DNAH5: variants seen among roughly 807,000 people sequenced by gnomAD.
The protein encoded by DNAH5 is axonemal beta dynein heavy chain 5.
DNAH5 carries 372 observed loss-of-function variants against 518.2 expected under a neutral mutation model. The observed-to-expected ratio is 0.72, with a 90% CI of 0.66 to 0.78. The LOEUF is 0.78. Ranked by LOEUF, DNAH5 falls within the 30% of genes least tolerant of loss-of-function variation. DNAH5 has a pLI of 0.00. For synonymous variants in DNAH5, 2,039 were observed against 2,025.9 expected (o/e 1.01, Z -0.17); for missense variants, 5,523 against 5,687.0 (o/e 0.97, Z 0.93).
intron 1 of DNAH5, among the ~76,000 whole-genome samples, chr5:13,970,256 T>C (rs1329253924): frequency 6.6e-6 from 1 of 152,228 alleles, no homozygotes; most frequent in Non-Finnish European, 1.5e-5. Context: ...TGCCTTGCTG[T>C]ATCTTTTAAG....
chr5:13,871,546 G>GAAAGAAA lies in DNAH5; in HGVS notation c.3598+11_3598+17dup, dbSNP rs1561477679. 1 of 1,593,262 alleles carries GAAAGAAA rather than the reference G, an allele frequency of 6.3e-7. No individual in the cohort carries two copies. The highest frequency in any genetic ancestry group is 1.7e-5 in the Admixed American group (1 of 59,890). ...TAATGGCTAATTTATATAACTATAT[G>GAAAGAAA]AAAGAAAATGAACCAACCTGTGTAC... On this transcript the variant is annotated intron_variant, in intron 23 of 78. Coordinates refer to ENST00000265104, the MANE Select transcript of DNAH5 (RefSeq NM_001369.3).
In DNAH5 at chr5:13,823,322, G is replaced by T. The variant is rs759065820; in HGVS notation, c.6628C>A (p.Pro2210Thr). Reference sequence around the variant, plus strand: ...CCTGCCTTGTCCAGAAGAATATTTGGAAAGAGATCTTCAATCAAACTCAAA... The same window carrying T: ...CCTGCCTTGTCCAGAAGAATATTTGTAAAGAGATCTTCAATCAAACTCAAA... ...LFLSLIEDLFPNILLDKAGYP... is the reference protein window; with the variant it reads ...LFLSLIEDLFTNILLDKAGYP... Residue 2210 changes from proline (P) to threonine (T), a missense_variant, in exon 40 of 79, where the codon CCA (proline) becomes ACA (threonine). Physicochemically the swap from Pro to Thr is conservative, Grantham distance 38. This residue lies in a region of DNAH5 where 5,121 missense variants were observed against 5,223.3 expected (regional missense o/e 0.98). Coordinates refer to ENST00000265104, the MANE Select transcript of DNAH5 (RefSeq NM_001369.3). The T allele has an allele frequency of 3.7e-6, 6 of 1,613,826 alleles. No homozygotes were observed. The highest frequency in any genetic ancestry group is 1.3e-5 in the African/African-American group (1 of 74,864).
At chr5:13,961,525 T>A (rs1174003728) in intron 1 of DNAH5, among the ~76,000 whole-genome samples, 1 of 152,026 alleles carries the variant, frequency 6.6e-6, no homozygotes, top group Non-Finnish European at 1.5e-5. Flanking sequence ...GCACCTGTAA[T>A]CCCAGCTACT....
intron 14 of DNAH5, 102 bp from the exon 15 acceptor site, chr5:13,900,514 T>C (rs975667508): frequency 1.9e-5 from 19 of 1,006,354 alleles, no homozygotes; most frequent in African/African-American, 4.8e-5. Flanking sequence ...TGTTCTTCCA[T>C]GGATTTGAGC....
chr5:13,921,491 A>G (rs867366934), intron 5 of DNAH5, among the ~76,000 whole-genome samples: 1 of 144,238 alleles, frequency 6.9e-6, no homozygotes, highest in Non-Finnish European at 1.5e-5. Context: ...ACACACACAC[A>G]CACACACACA....
intron 1 of DNAH5, among the ~76,000 whole-genome samples, chr5:13,999,154 G>A (rs1784169985): frequency 1.3e-5 from 2 of 152,238 alleles, no homozygotes; most frequent in South Asian, 4.1e-4. Flanking sequence ...TTACAGGCGT[G>A]AGCCACGATG....
intron 1 of DNAH5, among the ~76,000 whole-genome samples, chr5:13,943,821 A>G (rs1293913992): frequency 1.1e-4 from 16 of 152,194 alleles, no homozygotes; most frequent in Admixed American, 1.0e-3. Context: ...TCTGACGTTA[A>G]TTGGCAGTGG....
At position 13,729,429 on chromosome 5, in the gene DNAH5, G is replaced by A. The variant is rs753140220; in HGVS notation, c.11883+10C>T. ...TGACATCAGCTTAAGTTGATTCAAA[G>A]CACAGTTACCTGGTCAAGGACATCT... On this transcript the variant is annotated intron_variant, in intron 69 of 78. Coordinates refer to ENST00000265104, the MANE Select transcript of DNAH5 (RefSeq NM_001369.3). 8 of 1,613,858 alleles carry A rather than the reference G, an allele frequency of 5.0e-6. No individual in the cohort carries two copies. The Admixed American group carries it at 1.3e-4, about 27-fold the overall frequency.
At position 13,966,595 on chromosome 5, in the gene DNAH5, C is replaced by T. The variant is rs568888201; in HGVS notation, c.13-35351G>A. The stretch of plus-strand genomic sequence containing the variant: ...GGTATCACATTGTGGCTTTGATTTG[C>T]ATTTCCCTGATCATTAGTGATGTTG... On this transcript the variant is annotated intron_variant, in intron 1 of 78. Transcript: ENST00000681290. 2.6e-4 allele frequency among the ~76,000 whole-genome samples: 40 copies of T among 152,300 alleles called. No individual in the cohort carries two copies. The East Asian group carries it at 7.5e-3, about 29-fold the overall frequency.
At position 13,814,779 on chromosome 5, in the gene DNAH5, A is replaced by G; in HGVS notation, c.7056T>C (p.Val2352=). Residue 2352 remains valine, a synonymous_variant, in exon 43 of 79, where the codon GTT becomes GTC. Transcript: ENST00000265104. ...DAIWIENLNS[V]LDDNKTLTLA... is the part of the protein sequence containing the mutation. ...GGGTTAGAGTTTTGTTATCATCCAA[A>G]ACAGAATTCAGATTTTCAATCCAGA... 6.2e-7 allele frequency: 1 copy of G among 1,614,060 alleles called. No individual in the cohort carries two copies. Among genetic ancestry groups the G allele is most frequent in the Non-Finnish European group, 8.5e-7 (1 of 1,179,982 alleles).
chr5:13,855,908 A>T (rs929984450), intron 30 of DNAH5, among the ~76,000 whole-genome samples: 2 of 152,344 alleles, frequency 1.3e-5, no homozygotes, highest in Middle Eastern at 6.8e-3. Context: ...TGGGTAAATA[A>T]TGAAATTAAG....
At chr5:13,750,952 T>C (rs142302370) in intron 65 of DNAH5, 126 bp downstream of exon 65, 62 of 1,071,072 alleles carry the variant, frequency 5.8e-5, no homozygotes, top group Non-Finnish European at 8.3e-5. Flanking sequence ...TGGAGATTAA[T>C]GGAAAAAAAC....
chr5:13,849,727 T>C (rs1189721471), intron 31 of DNAH5, among the ~76,000 whole-genome samples: 1 of 152,220 alleles, frequency 6.6e-6, no homozygotes, highest in African/African-American at 2.4e-5. Flanking sequence ...TTTTTTTTGG[T>C]TAGCCGAGAA....
At chr5:13,953,630 G>A (rs1780574242) in intron 1 of DNAH5, among the ~76,000 whole-genome samples, 1 of 152,174 alleles carries the variant, frequency 6.6e-6, no homozygotes, top group Admixed American at 6.5e-5. Flanking sequence ...GAATTAATCT[G>A]AACAATTACT....
intron 12 of DNAH5, among the ~76,000 whole-genome samples, chr5:13,909,394 G>A (rs903315126): frequency 6.6e-6 from 1 of 151,954 alleles, no homozygotes; most frequent in African/African-American, 2.4e-5. Flanking sequence ...ATATTTTATT[G>A]TACTATACTC....
chr5:13,700,898 G>C, intron 77 of DNAH5, 27 bp from the exon 78 acceptor site: 1 of 1,606,558 alleles, frequency 6.2e-7, no homozygotes, highest in Non-Finnish European at 8.5e-7. Flanking sequence ...AAGATGAATG[G>C]AGCGGTTAGA....
intron 1 of DNAH5, among the ~76,000 whole-genome samples, chr5:13,932,829 G>A (rs1028734910): frequency 6.6e-6 from 1 of 152,212 alleles, no homozygotes; most frequent in African/African-American, 2.4e-5. Context: ...TCAGCTTTTG[G>A]ATGTGTAAGA....
intron 29 of DNAH5, 109 bp from the exon 30 acceptor site, chr5:13,859,714 T>A: frequency 9.6e-7 from 1 of 1,041,022 alleles, no homozygotes; most frequent in Non-Finnish European, 1.5e-6. Flanking sequence ...TTTACAACCT[T>A]AATTATGTTG....
intron 35 of DNAH5, 45 bp downstream of exon 35, chr5:13,839,311 C>G (rs767666722): frequency 6.3e-6 from 10 of 1,589,926 alleles, no homozygotes; most frequent in South Asian, 1.1e-5. Context: ...CTGAGCAACT[C>G]GAGAGAATAA....
Sources: gnomAD v4.1 joint callset for allele counts (sites outside exome capture counted in the v4.1 genomes callset) on GRCh38, gnomAD v4.1.1 for gene constraint, gnomAD v4.1.1 regional missense constraint, MANE v1.5 for transcripts, NCBI Gene and HGNC (gene_info 2026-07-23, HGNC 2026-07-21) for gene names.